Variants in PRDM5 observed in about 807,000 individuals in gnomAD.
PRDM5 encodes the protein PR domain zinc finger protein 5.
Under a neutral mutation model 81.2 loss-of-function variants are expected in PRDM5, and 56 were observed. That is an observed-to-expected ratio of 0.69 (90% confidence interval 0.56 to 0.86). The LOEUF (loss-of-function observed/expected upper bound fraction) is 0.86, where lower values mean the gene tolerates loss of function less well. Ranked by LOEUF, PRDM5 falls within the 40% of genes least tolerant of loss-of-function variation. PRDM5 has a pLI of 0.00. For missense variants in PRDM5, 697 were observed against 770.1 expected (o/e 0.91, Z 1.12); for synonymous variants, 267 against 256.4 (o/e 1.04, Z -0.39).
intron 13 of PRDM5, among the ~76,000 whole-genome samples, chr4:120,767,288 T>C (rs1746518091): frequency 6.6e-6 from 1 of 152,000 alleles, no homozygotes; most frequent in Admixed American, 6.5e-5. Flanking sequence ...AAAAATAATA[T>C]GTATGAAGGA....
At chr4:120,851,984 G>A (rs1364617831) in intron 3 of PRDM5, among the ~76,000 whole-genome samples, 8 of 152,072 alleles carry the variant, frequency 5.3e-5, no homozygotes, top group Non-Finnish European at 8.8e-5. Flanking sequence ...TAGAATCCAG[G>A]AAGATGAGCT....
intron 3 of PRDM5, among the ~76,000 whole-genome samples, chr4:120,843,736 G>A (rs1758324401): frequency 6.6e-6 from 1 of 151,332 alleles, no homozygotes; most frequent in African/African-American, 2.4e-5. Context: ...GAATCAGCCT[G>A]CACAAAACTT....
Position 120,727,892 on chromosome 4 carries a change from C to T in PRDM5, c.1624-17479G>A, listed in dbSNP as rs188166941. 3.2e-3 allele frequency among the ~76,000 whole-genome samples: 475 copies of T among 150,578 alleles called. 2 individuals are homozygous for T. The highest frequency in any genetic ancestry group is 0.01 in the African/African-American group (427 of 40,822). On this transcript the variant is annotated intron_variant, in intron 14 of 15. Transcript: ENST00000264808. ...TGGAGGTTGCAGTGAGCCAAGATCACGCCACTGCACTCCAACCTGGGTGAC... is the reference window on the plus strand; with the variant it reads ...TGGAGGTTGCAGTGAGCCAAGATCATGCCACTGCACTCCAACCTGGGTGAC...
intron 14 of PRDM5, among the ~76,000 whole-genome samples, chr4:120,716,543 AC>A (rs1472309382): frequency 6.6e-6 from 1 of 152,134 alleles, no homozygotes; most frequent in Admixed American, 6.6e-5. Flanking sequence ...AAGTATATCA[AC>A]AGGCAGCTGT....
rs138792766 is a variant in PRDM5 at position 120,750,571 on chromosome 4, G to A, written c.1623+3982C>T. On this transcript the variant is annotated intron_variant, in intron 14 of 15. Transcript: ENST00000264808. ...AAACCCCAAACCTAGCTTAGCCATTGACCAAACTGACTCAAGCCCTCAATC... is the reference window on the plus strand; with the variant it reads ...AAACCCCAAACCTAGCTTAGCCATTAACCAAACTGACTCAAGCCCTCAATC... 6.0e-4 allele frequency among the ~76,000 whole-genome samples: 92 copies of A among 152,184 alleles called. No individual in the cohort carries two copies. The East Asian group carries it at 0.016, about 26-fold the overall frequency.
chr4:120,831,544 A>G (rs1263263360), intron 3 of PRDM5, among the ~76,000 whole-genome samples: 1 of 152,150 alleles, frequency 6.6e-6, no homozygotes, highest in Non-Finnish European at 1.5e-5. Context: ...AAGAAAATCA[A>G]TTGAATGTTT....
intron 2 of PRDM5, among the ~76,000 whole-genome samples, chr4:120,905,276 G>A (rs1235119710): frequency 1.3e-5 from 2 of 152,050 alleles, no homozygotes; most frequent in African/African-American, 4.8e-5. Flanking sequence ...CAACAATACG[G>A]GTGATGCTTA....
intron 10 of PRDM5, 143 bp from the exon 11 acceptor site, chr4:120,785,234 G>A (rs561187746): frequency 2.1e-5 from 14 of 665,336 alleles, no homozygotes; most frequent in South Asian, 1.0e-4. Context: ...TTCTTCCACC[G>A]TAAAATTGTA....
At chr4:120,767,553 C>T (rs1384581835) in intron 13 of PRDM5, among the ~76,000 whole-genome samples, 1 of 152,146 alleles carries the variant, frequency 6.6e-6, no homozygotes, top group Non-Finnish European at 1.5e-5. Context: ...AGACTAACTC[C>T]ATAAAAATCT....
chr4:120,836,741 T>G (rs1303958918), intron 3 of PRDM5, among the ~76,000 whole-genome samples: 1 of 152,212 alleles, frequency 6.6e-6, no homozygotes, highest in African/African-American at 2.4e-5. Flanking sequence ...TTAGACTGGC[T>G]AGGGTGAAAA....
intron 1 of PRDM5, among the ~76,000 whole-genome samples, chr4:120,913,460 G>C (rs1485518930): frequency 6.6e-6 from 1 of 152,198 alleles, no homozygotes; most frequent in East Asian, 1.9e-4. Flanking sequence ...TATAGCAGAG[G>C]TCAGGGGAAA....
intron 3 of PRDM5, among the ~76,000 whole-genome samples, chr4:120,827,005 C>A (rs116716670): frequency 0.044 from 6,651 of 152,144 alleles, 194 homozygotes; most frequent in African/African-American, 0.087. Context: ...TCATGTGGAC[C>A]TTCACTAAGG....
At chr4:120,896,337 G>A (rs758906346) in intron 2 of PRDM5, 4 of 152,052 alleles carry the variant, frequency 2.6e-5, no homozygotes, top group African/African-American at 4.8e-5. Flanking sequence ...GAAATTTGTT[G>A]CGAGGAACTT....
intron 15 of PRDM5, among the ~76,000 whole-genome samples, chr4:120,705,825 CA>C (rs1366436870): frequency 6.6e-6 from 1 of 152,090 alleles, no homozygotes; most frequent in African/African-American, 2.4e-5. Flanking sequence ...AAAGATATTG[CA>C]ATATTCCAGG....
chr4:120,886,714 T>C (rs923770998), intron 2 of PRDM5, among the ~76,000 whole-genome samples: 10 of 152,164 alleles, frequency 6.6e-5, no homozygotes, highest in African/African-American at 2.4e-4. Context: ...AATGAACTTT[T>C]ATTCAATTAT....
chr4:120,908,588 A>T (rs534563916), intron 1 of PRDM5, among the ~76,000 whole-genome samples: 1 of 152,358 alleles, frequency 6.6e-6, no homozygotes, highest in East Asian at 1.9e-4. Context: ...TTAATAGTTA[A>T]CCCAGCCCCC....
chr4:120,774,141 G>GTGA (rs1561179232), intron 13 of PRDM5, among the ~76,000 whole-genome samples: 1 of 152,182 alleles, frequency 6.6e-6, no homozygotes, highest in African/African-American at 2.4e-5. Flanking sequence ...ATGGTATGGA[G>GTGA]TGATGAGGCC....
rs560416297 is a variant in PRDM5 at position 120,818,249 on chromosome 4, C to A, written c.650+104G>T. On this transcript the variant is annotated intron_variant, in intron 5 of 15. Transcript: ENST00000264808. Reference sequence around the variant, plus strand: ...CATTCACACACAAAACATGCGCGTGCGCGCGTGCACACACACACACACAGG... The same window carrying A: ...CATTCACACACAAAACATGCGCGTGAGCGCGTGCACACACACACACACAGG... 8.4e-4 allele frequency: 1,015 copies of A among 1,212,666 alleles called. 2 individuals carry two copies. Among genetic ancestry groups the A allele is most frequent in the Non-Finnish European group, 1.1e-3 (947 of 840,890 alleles). 75.1% of individuals were successfully genotyped at this position (1,212,666 alleles called of 1,614,324 possible).
At chr4:120,835,020 T>C (rs1757172552) in intron 3 of PRDM5, among the ~76,000 whole-genome samples, 1 of 152,212 alleles carries the variant, frequency 6.6e-6, no homozygotes, top group African/African-American at 2.4e-5. Flanking sequence ...TTTAATTCTA[T>C]GATTGTTTTC....
Sources: gnomAD v4.1 joint callset for allele counts (sites outside exome capture counted in the v4.1 genomes callset) on GRCh38, gnomAD v4.1.1 for gene constraint, MANE v1.5 for transcripts, NCBI Gene and HGNC (gene_info 2026-07-23, HGNC 2026-07-21) for gene names.